The following TMEM232 variants were observed in gnomAD, a reference collection of about 807,000 sequenced individuals.
The protein encoded by TMEM232 is transmembrane protein 232.
In TMEM232, 80 loss-of-function variants were observed where a neutral mutation model predicts 78.8. That is an observed-to-expected ratio of 1.01 (90% CI 0.85 to 1.22). TMEM232 has a LOEUF of 1.22. Ranked by LOEUF, TMEM232 falls within the 50% of genes most tolerant of loss-of-function variation. TMEM232 has a pLI of 0.00. For missense variants in TMEM232, 881 were observed against 742.2 expected (o/e 1.19, Z -2.17); for synonymous variants, 297 against 254.3 (o/e 1.17, Z -1.60).
chr5:110,718,754 C>T (rs1275949560), intron 1 of TMEM232, among the ~76,000 whole-genome samples: 2 of 151,838 alleles, frequency 1.3e-5, no homozygotes, highest in South Asian at 2.1e-4. Flanking sequence ...TAAGGGTTAC[C>T]ATATTTCTCT....
upstream of TMEM232, among the ~76,000 whole-genome samples, chr5:110,730,201 C>T (rs1191567714): frequency 1.3e-5 from 2 of 152,110 alleles, no homozygotes; most frequent in African/African-American, 2.4e-5. Flanking sequence ...TTCACTGACA[C>T]GATTCAAATT....
At position 110,591,405 on chromosome 5, in the gene TMEM232, A is replaced by G. The variant is rs528212913; in HGVS notation, c.1276+13704T>C. On this transcript the variant is annotated intron_variant, in intron 10 of 13. Transcript: ENST00000455884. ...ACTATTTTAAATGATTTTCAGTGTC[A>G]TATGTACCTTATACATAAATAAAGT... Among the ~76,000 whole-genome samples the G allele has an allele frequency of 7.2e-5, 11 of 152,294 alleles. No individual in the cohort carries two copies. The East Asian group carries it at 1.7e-3, about 24-fold the overall frequency.
chr5:110,388,276 T>TC (rs1755055581), intron 4 of TMEM232, among the ~76,000 whole-genome samples: 1 of 151,842 alleles, frequency 6.6e-6, no homozygotes, highest in Non-Finnish European at 1.5e-5. Context: ...AAGTGGGCTT[T>TC]CCACTTGGCC....
At chr5:110,733,816 T>G (rs994067117) in intron 2 of TMEM232, among the ~76,000 whole-genome samples, 1 of 152,208 alleles carries the variant, frequency 6.6e-6, no homozygotes, top group South Asian at 2.1e-4. Flanking sequence ...AACCTGCACA[T>G]GTACCCTTGA....
intron 12 of TMEM232, among the ~76,000 whole-genome samples, chr5:110,526,084 A>G (rs1419994370): frequency 6.6e-6 from 1 of 150,808 alleles, no homozygotes; most frequent in Non-Finnish European, 1.5e-5. Context: ...TGTACATAAC[A>G]AATCCTTAAA....
At chr5:110,618,386 G>A (rs776528569) in intron 8 of TMEM232, 43 bp downstream of exon 8, 40 of 1,543,554 alleles carry the variant, frequency 2.6e-5, no homozygotes, top group Non-Finnish European at 4.4e-6. Context: ...TAAGCACAAA[G>A]ATTTCTCCAT....
intron 12 of TMEM232, among the ~76,000 whole-genome samples, chr5:110,521,118 G>A (rs1769439120): frequency 6.6e-6 from 1 of 152,062 alleles, no homozygotes; most frequent in East Asian, 1.9e-4. Flanking sequence ...GTTGTGGGCT[G>A]CCAGCTGGGG....
intron 2 of TMEM232, among the ~76,000 whole-genome samples, chr5:110,403,075 T>A (rs2112571417): frequency 6.6e-6 from 1 of 152,160 alleles, no homozygotes; most frequent in East Asian, 1.9e-4. Context: ...TTTGACACAT[T>A]CTCTACAGAT....
intron 1 of TMEM232, among the ~76,000 whole-genome samples, chr5:110,676,901 G>A (rs1209672443): frequency 6.6e-6 from 1 of 152,002 alleles, no homozygotes; most frequent in Non-Finnish European, 1.5e-5. Flanking sequence ...TGGGATTACA[G>A]GCACCTGCCA....
At chr5:110,626,505 T>A (rs1288198503) in intron 6 of TMEM232, among the ~76,000 whole-genome samples, 1 of 152,032 alleles carries the variant, frequency 6.6e-6, no homozygotes, top group East Asian at 1.9e-4. Flanking sequence ...ACTTTTTTCA[T>A]CAAATATAAT....
chr5:110,707,545 T>C (rs1308182528), intron 1 of TMEM232, among the ~76,000 whole-genome samples: 1 of 152,220 alleles, frequency 6.6e-6, no homozygotes, highest in Non-Finnish European at 1.5e-5. Context: ...CAGGCCAAAG[T>C]GCTCTGCAGT....
intron 5 of TMEM232, among the ~76,000 whole-genome samples, chr5:110,636,330 G>A (rs1580449069): frequency 6.6e-6 from 1 of 151,882 alleles, no homozygotes; most frequent in Non-Finnish European, 1.5e-5. Context: ...GCATTAGATA[G>A]AATGTTTGAT....
chr5:110,635,999 A>T (rs1243242391), intron 5 of TMEM232, among the ~76,000 whole-genome samples: 1 of 152,082 alleles, frequency 6.6e-6, no homozygotes, highest in East Asian at 1.9e-4. Flanking sequence ...AATAGTAAAG[A>T]TATGGAATTA....
At chr5:110,424,138 T>C (rs1756989976) in intron 13 of TMEM232, among the ~76,000 whole-genome samples, 1 of 152,138 alleles carries the variant, frequency 6.6e-6, no homozygotes, top group African/African-American at 2.4e-5. Context: ...ACAAGATTAC[T>C]ACTTAAAAGT....
intron 12 of TMEM232, among the ~76,000 whole-genome samples, chr5:110,462,997 C>T (rs188560917): frequency 2.0e-5 from 3 of 152,164 alleles, no homozygotes; most frequent in East Asian, 1.9e-4. Flanking sequence ...AATGCAAAAA[C>T]GGATTTAAAT....
chr5:110,577,768 G>A (rs1581273606), intron 10 of TMEM232, among the ~76,000 whole-genome samples: 1 of 151,946 alleles, frequency 6.6e-6, no homozygotes, highest in South Asian at 2.1e-4. Flanking sequence ...ACTAATACAA[G>A]AACAGAAAAC....
At chr5:110,697,334 C>G (rs1258574468) in intron 1 of TMEM232, among the ~76,000 whole-genome samples, 1 of 152,166 alleles carries the variant, frequency 6.6e-6, no homozygotes, top group Non-Finnish European at 1.5e-5. Context: ...AGACCTAAAA[C>G]CATGAAAACT....
intron 1 of TMEM232, among the ~76,000 whole-genome samples, chr5:110,711,168 T>C (rs1386363645): frequency 6.6e-6 from 1 of 151,818 alleles, no homozygotes; most frequent in Non-Finnish European, 1.5e-5. Flanking sequence ...TTACAAGAGG[T>C]ACAAATAAAA....
chr5:110,733,665 GAC>G (rs976138055), intron 2 of TMEM232, among the ~76,000 whole-genome samples: 1 of 152,098 alleles, frequency 6.6e-6, no homozygotes, highest in African/African-American at 2.4e-5. Flanking sequence ...GGGACCAACA[GAC>G]ACTGGGGCCT....
Sources: allele counts gnomAD v4.1 joint callset (sites outside exome capture counted in the v4.1 genomes callset), GRCh38; gene constraint gnomAD v4.1.1; transcripts MANE v1.5; gene names NCBI Gene and HGNC (gene_info 2026-07-23, HGNC 2026-07-21).